Variants in MYO3A observed in about 807,000 individuals in gnomAD.
MYO3A encodes myosin IIIA.
A neutral mutation model predicts 192.7 loss-of-function variants in MYO3A; 180 were observed. That is an observed-to-expected ratio of 0.93 (90% CI 0.83 to 1.06). The LOEUF is 1.06. Ranked by LOEUF, MYO3A falls within the 50% of genes least tolerant of loss-of-function variation. MYO3A has a pLI of 0.00. For missense variants in MYO3A, 1,896 were observed against 1,905.0 expected (o/e 1.00, Z 0.09); for synonymous variants, 628 against 645.3 (o/e 0.97, Z 0.41).
chr10:26,020,779 TTTCTC>T (rs537310254), intron 7 of MYO3A, among the ~76,000 whole-genome samples: 134 of 152,314 alleles, frequency 8.8e-4, no homozygotes, highest in African/African-American at 2.8e-3. Context: ...AATGCAATAA[TTTCTC>T]TATCTAATAC....
intron 34 of MYO3A, among the ~76,000 whole-genome samples, chr10:26,205,481 G>T (rs1449745135): frequency 6.5e-5 from 9 of 138,142 alleles, no homozygotes; most frequent in Non-Finnish European, 7.9e-5. Flanking sequence ...TTTTTTTTTG[G>T]GGGGGGGCTT....
Position 26,173,986 on chromosome 10 carries a change from A to T in MYO3A, c.3722A>T (p.Tyr1241Phe). Reference protein sequence around the residue: ...EKEEAMIQSYYQRYTEERNCE... With the variant: ...EKEEAMIQSYFQRYTEERNCE... The stretch of plus-strand genomic sequence containing the variant: ...GAGGAAGCTATGATCCAGAGTTACT[A>T]TCAGAGGTACACAGAGGAGAGGAAT... Residue 1241 changes from tyrosine (Y) to phenylalanine (F), a missense_variant, in exon 30 of 35, where the codon TAT becomes TTT. Tyr to Phe is a conservative substitution (Grantham distance 22, BLOSUM62 3). Coordinates refer to ENST00000642920, the MANE Select transcript of MYO3A (RefSeq NM_017433.5). 2 of 1,609,036 alleles carry T rather than the reference A, an allele frequency of 1.2e-6. No individual in the cohort carries two copies. The highest frequency in any genetic ancestry group is 1.7e-6 in the Non-Finnish European group (2 of 1,178,476).
intron 4 of MYO3A, among the ~76,000 whole-genome samples, chr10:25,972,869 G>C (rs1390855759): frequency 1.3e-5 from 2 of 152,104 alleles, no homozygotes; most frequent in African/African-American, 4.8e-5. Context: ...CAGTGTCCTG[G>C]GGCATGAATT....
chr10:26,136,551 A>G (rs1839856390), intron 20 of MYO3A, among the ~76,000 whole-genome samples: 2 of 152,256 alleles, frequency 1.3e-5, no homozygotes. Flanking sequence ...TAAAACTGTC[A>G]GAAGGTAGTA....
chr10:26,021,910 G>T (rs558231524), intron 8 of MYO3A: 1 of 465,882 alleles, frequency 2.1e-6, no homozygotes, highest in Non-Finnish European at 3.9e-6. Flanking sequence ...GAAAATAGCA[G>T]TTCCTCCCAC....
intron 5 of MYO3A, among the ~76,000 whole-genome samples, chr10:25,996,809 T>C (rs1001066511): frequency 2.0e-5 from 3 of 152,218 alleles, no homozygotes; most frequent in Non-Finnish European, 4.4e-5. Context: ...TTCTGACCTC[T>C]TAAGTGTATT....
intron 20 of MYO3A, 146 bp from the exon 21 acceptor site, chr10:26,143,302 G>T (rs2131844693): frequency 1.3e-6 from 1 of 786,146 alleles, no homozygotes. Flanking sequence ...ATATACTCCA[G>T]CCTGGACGAC....
At chr10:25,948,723 G>C (rs1837019063) in intron 2 of MYO3A, among the ~76,000 whole-genome samples, 1 of 152,020 alleles carries the variant, frequency 6.6e-6, no homozygotes, top group Admixed American at 6.5e-5. Context: ...GTGTAGTTTA[G>C]CAGTCAAGAG....
At chr10:25,942,750 A>G (rs572496004) in intron 2 of MYO3A, among the ~76,000 whole-genome samples, 1 of 150,508 alleles carries the variant, frequency 6.6e-6, no homozygotes, top group Admixed American at 6.6e-5. Context: ...TATTATTTGG[A>G]GAAACTTCTA....
chr10:26,094,704 G>A (rs746700410), intron 15 of MYO3A, among the ~76,000 whole-genome samples: 29 of 152,274 alleles, frequency 1.9e-4, no homozygotes, highest in East Asian at 1.2e-3. Context: ...GATTCCAGGC[G>A]TGAGCCACCG....
intron 20 of MYO3A, among the ~76,000 whole-genome samples, chr10:26,133,759 A>C (rs1839690187): frequency 6.6e-6 from 1 of 152,166 alleles, no homozygotes; most frequent in Non-Finnish European, 1.5e-5. Flanking sequence ...ATACCTGGCT[A>C]AATTTTCAGA....
intron 6 of MYO3A, among the ~76,000 whole-genome samples, chr10:26,007,189 T>A (rs553666581): frequency 6.7e-6 from 1 of 149,282 alleles, no homozygotes. Flanking sequence ...CAGCCCTTCA[T>A]GCTAAAAACT....
chr10:26,154,043 TC>T, intron 24 of MYO3A, 114 bp downstream of exon 24: 1 of 788,352 alleles, frequency 1.3e-6, no homozygotes, highest in South Asian at 1.5e-5. Flanking sequence ...CTCCCTTTGA[TC>T]TTGCTTTTCT....
intron 4 of MYO3A, among the ~76,000 whole-genome samples, chr10:25,974,635 G>A (rs1838866132): frequency 6.6e-6 from 1 of 152,220 alleles, no homozygotes; most frequent in African/African-American, 2.4e-5. Flanking sequence ...GGGAGAGGAT[G>A]GCTCAAATGC....
Position 26,034,257 on chromosome 10 carries a change from A to G in MYO3A, c.953+7725A>G, listed in dbSNP as rs542246709. Among the ~76,000 whole-genome samples, 3 of 152,302 alleles carry G rather than the reference A, an allele frequency of 2.0e-5. No individual in the cohort carries two copies. In the South Asian group the frequency reaches 6.2e-4, roughly 32 times the overall value. On this transcript the variant is annotated intron_variant, in intron 10 of 34. Transcript: ENST00000642920. ...TTGGTCCCAACTTTGTTTAATGATC[A>G]TCTATCTCTAAATGTGCTTAATTGG...
In MYO3A at chr10:26,066,970, C is replaced by T; in HGVS notation, c.954-5C>T. ...TCTTAAATCAGAAAGCGTTTTTCTC[C>T]ACAGACGTGAACGTATTCACACGAA... On this transcript the variant is annotated splice_region_variant and splice_polypyrimidine_tract_variant and intron_variant, in intron 10 of 34. Coordinates refer to ENST00000642920, the MANE Select transcript of MYO3A (RefSeq NM_017433.5). The T allele has an allele frequency of 6.2e-7, 1 of 1,600,638 alleles. No individual in the cohort carries two copies. Among genetic ancestry groups the T allele is most frequent in the Non-Finnish European group, 8.6e-7 (1 of 1,167,794 alleles).
Position 26,170,409 on chromosome 10 carries a change from G to T in MYO3A, c.3275-7G>T. ...ATTAACACTACTATGGGCTTTCTGT[G>T]TTTCAGCTGCAAGAGGACACCTTGT... On this transcript the variant is annotated splice_polypyrimidine_tract_variant and splice_region_variant and intron_variant, in intron 28 of 34. Transcript: ENST00000642920. The T allele has an allele frequency of 6.2e-7, 1 of 1,612,960 alleles. No homozygotes were observed. Among genetic ancestry groups the T allele is most frequent in the Non-Finnish European group, 8.5e-7 (1 of 1,179,372 alleles).
chr10:26,077,946 G>A (rs918595924), intron 14 of MYO3A, among the ~76,000 whole-genome samples: 4 of 151,994 alleles, frequency 2.6e-5, no homozygotes, highest in Admixed American at 2.6e-4. Flanking sequence ...AAGGATATAG[G>A]TCTGTAGTTT....
At position 25,994,489 on chromosome 10, in the gene MYO3A, A is replaced by C. The variant is rs556484874; in HGVS notation, c.304-2001A>C. ...TCCAATTTGCCAGTCTGTGTCTTTTAATTGGAGCATTTAGTCCATTTACAT... is the reference window on the plus strand; with the variant it reads ...TCCAATTTGCCAGTCTGTGTCTTTTCATTGGAGCATTTAGTCCATTTACAT... On this transcript the variant is annotated intron_variant, in intron 4 of 34. Coordinates refer to ENST00000642920, the MANE Select transcript of MYO3A (RefSeq NM_017433.5). Among the ~76,000 whole-genome samples, 1,009 of 152,296 alleles carry C rather than the reference A, an allele frequency of 6.6e-3. 4 individuals are homozygous for C. The highest frequency in any genetic ancestry group is 0.011 in the Non-Finnish European group (750 of 68,028).
Sources: allele counts gnomAD v4.1 joint callset (sites outside exome capture counted in the v4.1 genomes callset), GRCh38; gene constraint gnomAD v4.1.1; transcripts MANE v1.5; gene names NCBI Gene and HGNC (gene_info 2026-07-23, HGNC 2026-07-21).